Variants in KIF6 observed in about 807,000 individuals in gnomAD.
KIF6 encodes kinesin-like protein KIF6.
A neutral mutation model predicts 112.7 loss-of-function variants in KIF6; 106 were observed. The observed-to-expected ratio is 0.94, with a 90% CI of 0.80 to 1.11. The LOEUF (loss-of-function observed/expected upper bound fraction) is 1.11, where lower values mean the gene tolerates loss of function less well. KIF6 is among the 50% of genes least tolerant of loss of function. The probability of loss-of-function intolerance (pLI) is 0.00; values close to 1 mark genes in which losing one functional copy is unlikely to be tolerated. For missense variants in KIF6, 929 were observed against 964.0 expected (o/e 0.96, Z 0.48); for synonymous variants, 339 against 339.9 (o/e 1.00, Z 0.03).
At chr6:39,357,919 T>C (rs771186636) in intron 18 of KIF6, among the ~76,000 whole-genome samples, 9 of 152,272 alleles carry the variant, frequency 5.9e-5, no homozygotes, top group Non-Finnish European at 8.8e-5. Context: ...TGCTTTCCTG[T>C]GCTTTCCAAG....
intron 15 of KIF6, among the ~76,000 whole-genome samples, chr6:39,412,586 T>A (rs1029113881): frequency 6.6e-5 from 10 of 152,236 alleles, no homozygotes; most frequent in African/African-American, 2.4e-4. Context: ...CACAGTCGGT[T>A]CTCTTACAAC....
At chr6:39,339,414 T>G (rs573526810) in intron 22 of KIF6, among the ~76,000 whole-genome samples, 1 of 152,180 alleles carries the variant, frequency 6.6e-6, no homozygotes, top group East Asian at 1.9e-4. Context: ...GCCTTTTCCC[T>G]CCCAGCTCGG....
At chr6:39,471,613 C>A (rs1301257072) in intron 13 of KIF6, among the ~76,000 whole-genome samples, 2 of 152,224 alleles carry the variant, frequency 1.3e-5, no homozygotes, top group Admixed American at 6.5e-5. Context: ...TCCTCAATGT[C>A]ATCATGAGCT....
chr6:39,346,134 T>TCTCTCTCTCC lies in KIF6; in HGVS notation c.2231+341_2231+342insGGAGAGAGAG, dbSNP rs1562113426. Among the ~76,000 whole-genome samples the TCTCTCTCTCC allele has an allele frequency of 6.3e-4, 48 of 76,672 alleles. 5 individuals carry two copies. Among genetic ancestry groups the TCTCTCTCTCC allele is most frequent in the African/African-American group, 2.6e-3 (40 of 15,228 alleles). The allele number at this position is 76,672 out of a possible 152,430, so 50.3% of individuals were successfully genotyped here. On this transcript the variant is annotated intron_variant, in intron 20 of 22. Coordinates refer to ENST00000287152, the MANE Select transcript of KIF6 (RefSeq NM_145027.6). ...CCCTCTCCCTCTCCCTCCCTCTCCC[T>TCTCTCTCTCC]CTCTCTCTCTCTCTCTCTCTCTCTC...
intron 10 of KIF6, among the ~76,000 whole-genome samples, chr6:39,556,037 A>C (rs1054217742): frequency 6.6e-6 from 1 of 152,114 alleles, no homozygotes. Context: ...TTGCAGCAAA[A>C]GGAAATTGTA....
chr6:39,463,980 A>G (rs1773638020), intron 13 of KIF6, among the ~76,000 whole-genome samples: 1 of 152,142 alleles, frequency 6.6e-6, no homozygotes, highest in African/African-American at 2.4e-5. Context: ...ATTTTCAAAT[A>G]TCCTTGTTTA....
intron 13 of KIF6, among the ~76,000 whole-genome samples, chr6:39,492,911 T>C (rs1775554772): frequency 6.6e-6 from 1 of 152,200 alleles, no homozygotes. Flanking sequence ...ATATTTATTG[T>C]TGTGACTTCC....
chr6:39,478,003 C>A (rs1464321953), intron 13 of KIF6, among the ~76,000 whole-genome samples: 1 of 151,900 alleles, frequency 6.6e-6, no homozygotes, highest in African/African-American at 2.4e-5. Flanking sequence ...TCACCAAGAT[C>A]TTTGTTTTTT....
intron 3 of KIF6, among the ~76,000 whole-genome samples, chr6:39,698,302 T>A (rs1178008650): frequency 3.3e-5 from 5 of 152,342 alleles, no homozygotes; most frequent in African/African-American, 1.2e-4. Flanking sequence ...TTCCATTTTT[T>A]AAAAAGAATC....
At chr6:39,349,371 T>C (rs1764039116) in intron 19 of KIF6, among the ~76,000 whole-genome samples, 1 of 151,768 alleles carries the variant, frequency 6.6e-6, no homozygotes, top group Non-Finnish European at 1.5e-5. Flanking sequence ...GGCAGCGGCA[T>C]GATCAACAAA....
intron 13 of KIF6, among the ~76,000 whole-genome samples, chr6:39,522,910 G>A (rs1296623904): frequency 6.6e-6 from 1 of 152,072 alleles, no homozygotes; most frequent in African/African-American, 2.4e-5. Flanking sequence ...CTATAACTGA[G>A]GCAGTTTCAA....
At chr6:39,504,545 G>A (rs1246343647) in intron 13 of KIF6, among the ~76,000 whole-genome samples, 1 of 152,170 alleles carries the variant, frequency 6.6e-6, no homozygotes, top group Non-Finnish European at 1.5e-5. Flanking sequence ...AATAGGAAGA[G>A]AAGAAGTCAA....
intron 12 of KIF6, 106 bp downstream of exon 12, chr6:39,544,449 A>G: frequency 3.4e-6 from 4 of 1,175,050 alleles, no homozygotes; most frequent in Non-Finnish European, 4.6e-6. Flanking sequence ...AGCAATGTGA[A>G]ATGGAAGCTG....
intron 6 of KIF6, among the ~76,000 whole-genome samples, chr6:39,598,521 C>T (rs1337115094): frequency 1.3e-5 from 2 of 150,820 alleles, no homozygotes; most frequent in Admixed American, 1.3e-4. Flanking sequence ...ACACAGCCAT[C>T]AATAAACTAC....
chr6:39,655,512 C>T (rs894000256), intron 3 of KIF6, among the ~76,000 whole-genome samples: 2 of 151,992 alleles, frequency 1.3e-5, no homozygotes, highest in South Asian at 2.1e-4. Flanking sequence ...TTCACAGGGC[C>T]TTCAGTTCTC....
chr6:39,494,337 T>A (rs1775646255), intron 13 of KIF6, among the ~76,000 whole-genome samples: 1 of 152,216 alleles, frequency 6.6e-6, no homozygotes, highest in Non-Finnish European at 1.5e-5. Flanking sequence ...CATTAAGAAG[T>A]AGATACATCC....
At chr6:39,543,051 ATC>A (rs1309430689) in intron 12 of KIF6, among the ~76,000 whole-genome samples, 1 of 152,214 alleles carries the variant, frequency 6.6e-6, no homozygotes, top group Non-Finnish European at 1.5e-5. Flanking sequence ...GGTGATGGAT[ATC>A]TCTCTTTCAC....
intron 10 of KIF6, chr6:39,553,670 G>A (rs1779522603): frequency 6.6e-6 from 1 of 152,190 alleles, no homozygotes; most frequent in Non-Finnish European, 1.5e-5. Flanking sequence ...TTTTGTTTTT[G>A]TCAATCCAGA....
intron 1 of KIF6, among the ~76,000 whole-genome samples, chr6:39,722,819 T>C (rs1443961786): frequency 6.6e-6 from 1 of 152,214 alleles, no homozygotes; most frequent in Non-Finnish European, 1.5e-5. Context: ...TATGTGTGTG[T>C]GACACCTAAA....
Sources: allele counts gnomAD v4.1 joint callset (sites outside exome capture counted in the v4.1 genomes callset), GRCh38; gene constraint gnomAD v4.1.1; transcripts MANE v1.5; gene names NCBI Gene and HGNC (gene_info 2026-07-23, HGNC 2026-07-21).